The following OSBPL8 variants were observed in gnomAD, a reference collection of about 807,000 sequenced individuals.
OSBPL8 encodes oxysterol binding protein like 8, also known as oxysterol-binding protein-related protein 8.
OSBPL8 carries 59 observed loss-of-function variants against 125.5 expected under a neutral mutation model. The observed-to-expected ratio is 0.47, with a 90% CI of 0.38 to 0.58. The LOEUF is 0.58. OSBPL8 is among the 20% of genes least tolerant of loss of function. OSBPL8 has a pLI of 0.00. For missense variants in OSBPL8, 758 were observed against 1,047.8 expected (o/e 0.72, Z 3.82); for synonymous variants, 330 against 338.9 (o/e 0.97, Z 0.29).
At chr12:76,411,995 C>T (rs1162679663) in intron 4 of OSBPL8, among the ~76,000 whole-genome samples, 1 of 152,110 alleles carries the variant, frequency 6.6e-6, no homozygotes, top group African/African-American at 2.4e-5. Context: ...GTACATTCTA[C>T]ACGGAGGAAT....
Position 76,386,150 on chromosome 12 carries a change from T to C in OSBPL8, c.1533+18A>G. 6.3e-7 allele frequency: 1 copy of C among 1,599,724 alleles called. No homozygotes were observed. The highest frequency in any genetic ancestry group is 8.5e-7 in the Non-Finnish European group (1 of 1,175,472). ...AACTTCCAGATCAGTTTTGTTTCCA[T>C]ACATGCATTTCTAATACCTGTTCAG... On this transcript the variant is annotated intron_variant, in intron 14 of 23. Transcript: ENST00000261183.
chr12:76,456,728 T>C (rs1471432623), intron 3 of OSBPL8, among the ~76,000 whole-genome samples: 2 of 152,210 alleles, frequency 1.3e-5, no homozygotes, highest in African/African-American at 4.8e-5. Flanking sequence ...ATATGTTGTA[T>C]GTATTACATA....
At chr12:76,369,064 T>C in intron 21 of OSBPL8, 150 bp downstream of exon 21, 1 of 1,090,576 alleles carries the variant, frequency 9.2e-7, no homozygotes, top group South Asian at 2.3e-5. Context: ...GCTTGTTTTC[T>C]GATGTTTCTT....
intron 5 of OSBPL8, among the ~76,000 whole-genome samples, chr12:76,409,511 A>C (rs557764990): frequency 3.3e-5 from 5 of 152,320 alleles, no homozygotes; most frequent in African/African-American, 9.6e-5. Flanking sequence ...TATGTTAAAT[A>C]AATGTGTATG....
chr12:76,460,564 G>A (rs924100443), intron 2 of OSBPL8, among the ~76,000 whole-genome samples: 1 of 151,440 alleles, frequency 6.6e-6, no homozygotes, highest in African/African-American at 2.4e-5. Context: ...ACTTTTCTTA[G>A]GGCCCACTAA....
intron 1 of OSBPL8, among the ~76,000 whole-genome samples, chr12:76,544,146 G>A (rs955897087): frequency 5.3e-5 from 8 of 152,118 alleles, no homozygotes; most frequent in African/African-American, 1.7e-4. Flanking sequence ...GTTTCAAGTT[G>A]CCATCCCACA....
At chr12:76,432,835 C>T (rs915097413) in intron 4 of OSBPL8, among the ~76,000 whole-genome samples, 1 of 152,022 alleles carries the variant, frequency 6.6e-6, no homozygotes, top group African/African-American at 2.4e-5. Context: ...CAACTATGAA[C>T]AACTATACAC....
chr12:76,505,900 C>A (rs1199250096), intron 1 of OSBPL8, among the ~76,000 whole-genome samples: 4 of 152,118 alleles, frequency 2.6e-5, no homozygotes, highest in Admixed American at 1.3e-4. Flanking sequence ...GAAGCTACTG[C>A]TGAAAGGAAA....
Position 76,389,699 on chromosome 12 carries a change from C to T in OSBPL8, c.1298G>A (p.Arg433His), listed in dbSNP as rs1953477206. 5 of 1,604,210 alleles carry T rather than the reference C, an allele frequency of 3.1e-6. No homozygotes were observed. The highest frequency in any genetic ancestry group is 4.3e-6 in the Non-Finnish European group (5 of 1,174,256). Residue 433 changes from arginine (R) to histidine (H), a missense_variant, in exon 12 of 24, where the codon CGT (arginine) becomes CAT (histidine). Physicochemically the swap from Arg to His is conservative, Grantham distance 29 (BLOSUM62 0). Around this residue, in one of 3 missense-constraint regions of OSBPL8, gnomAD observed 572 missense variants for 762.0 expected, o/e 0.75. Transcript: ENST00000261183. ...VVLPTFILEP[R>H]SFLDKLSDYY... The stretch of plus-strand genomic sequence containing the variant: ...ATCTGAAAGTTTATCCAGGAAAGAA[C>T]GGGGTTCCAAAATAAATGTAGGCAG...
chr12:76,505,465 C>A (rs1203786952), intron 1 of OSBPL8, among the ~76,000 whole-genome samples: 1 of 151,930 alleles, frequency 6.6e-6, no homozygotes, highest in African/African-American at 2.4e-5. Flanking sequence ...CCTCGACGAA[C>A]CTGACCTGAT....
At chr12:76,468,010 C>T (rs140588555) in intron 2 of OSBPL8, among the ~76,000 whole-genome samples, 1,979 of 152,186 alleles carry the variant, frequency 0.013, 23 homozygotes, top group Middle Eastern at 0.037. Flanking sequence ...AATTATTAAA[C>T]CTTCCAAATT....
At chr12:76,447,936 A>C (rs1381300349) in intron 4 of OSBPL8, among the ~76,000 whole-genome samples, 2 of 152,244 alleles carry the variant, frequency 1.3e-5, no homozygotes, top group Non-Finnish European at 2.9e-5. Context: ...TGACATAACC[A>C]AATAAGATGT....
intron 21 of OSBPL8, among the ~76,000 whole-genome samples, chr12:76,367,217 G>C (rs1280514136): frequency 7.0e-6 from 1 of 143,264 alleles, no homozygotes; most frequent in East Asian, 2.2e-4. Flanking sequence ...ATATTTTGGG[G>C]CTTTGTTGAT....
Position 76,499,346 on chromosome 12 carries a change from CT to C in OSBPL8, c.-67-11729del, listed in dbSNP as rs796109138. Among the ~76,000 whole-genome samples the C allele has an allele frequency of 7.6e-3, 911 of 119,678 alleles. 11 individuals carry two copies. Among genetic ancestry groups the C allele is most frequent in the African/African-American group, 0.021 (651 of 30,774 alleles). The allele number at this position is 119,678 out of a possible 152,430, so 78.5% of individuals were successfully genotyped here. ...TCTATCTATCTATCTATCTATCTAT[CT>C]ATCATCTATCTATCTATCTAATCTA... On this transcript the variant is annotated intron_variant, in intron 1 of 23. Coordinates refer to ENST00000261183, the MANE Select transcript of OSBPL8 (RefSeq NM_020841.5).
At chr12:76,388,995 T>C (rs1407499587) in intron 12 of OSBPL8, among the ~76,000 whole-genome samples, 1 of 152,136 alleles carries the variant, frequency 6.6e-6, no homozygotes, top group Admixed American at 6.6e-5. Context: ...ATTGCTGGAA[T>C]AGGGGCATCA....
At chr12:76,479,615 T>C (rs1423951645) in intron 2 of OSBPL8, among the ~76,000 whole-genome samples, 1 of 152,196 alleles carries the variant, frequency 6.6e-6, no homozygotes, top group Non-Finnish European at 1.5e-5. Flanking sequence ...TACATCATTA[T>C]TGTCAAAAAA....
intron 15 of OSBPL8, among the ~76,000 whole-genome samples, chr12:76,379,039 G>A (rs538636450): frequency 4.1e-4 from 63 of 152,126 alleles, no homozygotes; most frequent in Non-Finnish European, 6.9e-4. Context: ...TGCCCACCTC[G>A]GCCTCCCAAA....
chr12:76,397,354 G>T (rs1295501226), intron 8 of OSBPL8, among the ~76,000 whole-genome samples: 1 of 139,340 alleles, frequency 7.2e-6, no homozygotes, highest in African/African-American at 2.7e-5. Flanking sequence ...GGGAGGGGGG[G>T]TGGGGGCAGG....
intron 1 of OSBPL8, among the ~76,000 whole-genome samples, chr12:76,521,396 T>C (rs1307270398): frequency 6.6e-6 from 1 of 152,174 alleles, no homozygotes; most frequent in Non-Finnish European, 1.5e-5. Flanking sequence ...GTATGACGGT[T>C]CCTCAAAAGA....
Sources: gnomAD v4.1 joint callset for allele counts (sites outside exome capture counted in the v4.1 genomes callset) on GRCh38, gnomAD v4.1.1 for gene constraint, gnomAD v4.1.1 regional missense constraint, MANE v1.5 for transcripts, NCBI Gene and HGNC (gene_info 2026-07-23, HGNC 2026-07-21) for gene names.